EML5: variants seen among roughly 807,000 people sequenced by gnomAD.
The protein encoded by EML5 is echinoderm microtubule-associated protein-like 5.
EML5 carries 120 observed loss-of-function variants against 250.0 expected under a neutral mutation model. The ratio of observed to expected loss-of-function variants is 0.48; its 90% CI spans 0.41 to 0.56. The LOEUF (loss-of-function observed/expected upper bound fraction) is 0.56, where lower values mean the gene tolerates loss of function less well. EML5 is among the 20% of genes least tolerant of loss of function. The pLI is 0.00. For missense variants in EML5, 2,006 were observed against 2,437.6 expected (o/e 0.82, Z 3.73); for synonymous variants, 771 against 806.5 (o/e 0.96, Z 0.75).
intron 1 of EML5, among the ~76,000 whole-genome samples, chr14:88,756,205 T>C (rs2094156410): frequency 6.6e-6 from 1 of 152,056 alleles, no homozygotes. Flanking sequence ...TGGTTCAACA[T>C]ATGAAATCAA....
At chr14:88,638,661 A>T in intron 32 of EML5, 148 bp downstream of exon 32, 1 of 669,256 alleles carries the variant, frequency 1.5e-6, no homozygotes, top group Non-Finnish European at 2.5e-6. Context: ...AAAGCAAATA[A>T]TATGGTATAA....
chr14:88,622,731 C>A lies in EML5; in HGVS notation c.4899-13G>T. ...TCCTTCTTTTGACCTAAGTAAATAA[C>A]CAAGCCAGAGTAAGTGTTCATTATT... is the stretch of plus-strand genomic sequence containing the variant. On this transcript the variant is annotated splice_polypyrimidine_tract_variant and intron_variant, in intron 36 of 43. Transcript: ENST00000554922. 2 of 1,577,454 alleles carry A rather than the reference C, an allele frequency of 1.3e-6. No individual in the cohort carries two copies. Among genetic ancestry groups the A allele is most frequent in the Non-Finnish European group, 8.6e-7 (1 of 1,159,436 alleles).
intron 31 of EML5, among the ~76,000 whole-genome samples, chr14:88,641,896 CTTGT>C (rs1269444115): frequency 3.9e-5 from 6 of 152,148 alleles, no homozygotes; most frequent in Non-Finnish European, 8.8e-5. Flanking sequence ...ACATTCCTTT[CTTGT>C]TTATCTTACT....
At chr14:88,705,875 T>C in intron 11 of EML5, 1 of 580,034 alleles carries the variant, frequency 1.7e-6, no homozygotes, top group East Asian at 4.0e-5. Context: ...GAATATAACC[T>C]ATAATTAACA....
chr14:88,749,399 G>C (rs2094057161), intron 2 of EML5, among the ~76,000 whole-genome samples: 1 of 152,082 alleles, frequency 6.6e-6, no homozygotes, highest in Non-Finnish European at 1.5e-5. Context: ...CTGAGAAAAT[G>C]AATCATCAGT....
At chr14:88,674,692 C>T (rs2092554445) in intron 21 of EML5, among the ~76,000 whole-genome samples, 1 of 152,160 alleles carries the variant, frequency 6.6e-6, no homozygotes, top group Non-Finnish European at 1.5e-5. Flanking sequence ...CAACAGTCCA[C>T]CAAAGTCTTA....
At chr14:88,780,126 A>AT (rs1274357047) in intron 1 of EML5, among the ~76,000 whole-genome samples, 1 of 151,852 alleles carries the variant, frequency 6.6e-6, no homozygotes, top group Non-Finnish European at 1.5e-5. Flanking sequence ...TAATTTTTGT[A>AT]TTTTTAGTAC....
In EML5 at chr14:88,779,518, A is replaced by G. The variant is rs545728986; in HGVS notation, c.197+12789T>C. Among the ~76,000 whole-genome samples the G allele has an allele frequency of 5.9e-5, 9 of 152,330 alleles. No homozygotes were observed. The East Asian group carries it at 1.5e-3, about 26-fold the overall frequency. ...TGAGTTGGTTCTCTGTCATCTTTAG[A>G]AGGTGACCAATTACCTTGAACTTGA... is the stretch of plus-strand genomic sequence containing the variant. On this transcript the variant is annotated intron_variant, in intron 1 of 43. Coordinates refer to ENST00000554922, the MANE Select transcript of EML5 (RefSeq NM_183387.3).
intron 1 of EML5, among the ~76,000 whole-genome samples, chr14:88,756,618 G>A (rs1462141461): frequency 6.6e-6 from 1 of 151,892 alleles, no homozygotes; most frequent in Non-Finnish European, 1.5e-5. Flanking sequence ...AAAATGAAGA[G>A]CTAATATGAA....
chr14:88,737,177 C>T (rs1250691144), intron 6 of EML5, among the ~76,000 whole-genome samples: 2 of 152,210 alleles, frequency 1.3e-5, no homozygotes, highest in East Asian at 3.9e-4. Context: ...CAGCACTCCC[C>T]TCCTACTCAC....
At chr14:88,660,481 G>A (rs1192478218) in intron 25 of EML5, among the ~76,000 whole-genome samples, 1 of 152,098 alleles carries the variant, frequency 6.6e-6, no homozygotes, top group Non-Finnish European at 1.5e-5. Context: ...AGTGGCTCAC[G>A]CCTGTAATCC....
At chr14:88,786,965 A>T (rs1595890701) in intron 1 of EML5, among the ~76,000 whole-genome samples, 1 of 152,378 alleles carries the variant, frequency 6.6e-6, no homozygotes, top group South Asian at 2.1e-4. Context: ...TTGGCAATGC[A>T]GAGGTCACTG....
chr14:88,665,870 T>C, intron 21 of EML5, among the ~76,000 whole-genome samples: 1 of 151,772 alleles, frequency 6.6e-6, no homozygotes, highest in East Asian at 1.9e-4. Context: ...ATTGCACCAC[T>C]GCACTCCAGC....
At chr14:88,785,975 A>G (rs543689761) in intron 1 of EML5, among the ~76,000 whole-genome samples, 2 of 152,262 alleles carry the variant, frequency 1.3e-5, no homozygotes. Context: ...ATCTGCCCCC[A>G]CCACCATAGC....
At chr14:88,682,496 G>A (rs180959754) in intron 20 of EML5, among the ~76,000 whole-genome samples, 1 of 152,036 alleles carries the variant, frequency 6.6e-6, no homozygotes, top group East Asian at 1.9e-4. Flanking sequence ...AAGAAAATCT[G>A]TTAAAATTTG....
rs748231069 is a variant in EML5, at chr14:88,712,465, C to T, written c.1463G>A (p.Ser488Asn). Residue 488 changes from serine to asparagine, a missense_variant, in exon 10 of 44, where the codon AGT (serine) becomes AAT (asparagine). By Grantham distance (46) the Ser-to-Asn change is conservative. Transcript: ENST00000554922. ...YRMPGGKEVT[S>N]TEEIKGVHWA... is the part of the protein sequence containing the mutation. ...ATGAACACCTTTTATTTCTTCTGTA[C>T]TTGTCACTTCCTTTCCTCCTAAAAA... 3 of 1,611,578 alleles carry T rather than the reference C, an allele frequency of 1.9e-6. No individual in the cohort carries two copies. Among genetic ancestry groups the T allele is most frequent in the Non-Finnish European group, 2.5e-6 (3 of 1,178,450 alleles).
chr14:88,728,452 A>G (rs756239019), intron 7 of EML5, among the ~76,000 whole-genome samples: 2 of 152,240 alleles, frequency 1.3e-5, no homozygotes, highest in Admixed American at 1.3e-4. Flanking sequence ...GTTGTTTAAC[A>G]TACACTTTGT....
chr14:88,792,545 G>C lies in EML5; in HGVS notation c.-42C>G, dbSNP rs572369504. On this transcript the variant is annotated 5_prime_UTR_variant, in exon 1 of 44. Coordinates refer to ENST00000554922, the MANE Select transcript of EML5 (RefSeq NM_183387.3). This position sits in a 1 kb window ranked among gnomAD's most constrained non-coding sequence, Gnocchi z 6.9. ...GCCGCTCCCGCTCGGGCCCGCGGCG[G>C]CGACGGGAGGCGGCGGCGGCCCGGC... 45 of 1,228,446 alleles carry C rather than the reference G, an allele frequency of 3.7e-5. No homozygotes were observed. In the South Asian group the frequency reaches 1.6e-3, roughly 44 times the overall value. The allele number at this position is 1,228,446 out of a possible 1,614,324, so 76.1% of individuals were successfully genotyped here. A position where few individuals can be genotyped will look rare whatever the true frequency, so the allele number is the denominator to read the frequency against.
chr14:88,685,208 G>T, intron 19 of EML5, 66 bp from the exon 20 acceptor site: 3 of 1,311,528 alleles, frequency 2.3e-6, no homozygotes, highest in Non-Finnish European at 2.0e-6. Context: ...TGTATATATT[G>T]CCAATTAAGC....
Sources: gnomAD v4.1 joint callset for allele counts (sites outside exome capture counted in the v4.1 genomes callset) on GRCh38, gnomAD v4.1.1 for gene constraint, Gnocchi (gnomAD v3.1) non-coding constraint, MANE v1.5 for transcripts, NCBI Gene and HGNC (gene_info 2026-07-23, HGNC 2026-07-21) for gene names.